SLAMF6: variants seen among roughly 807,000 people sequenced by gnomAD.
The protein encoded by SLAMF6 is NK-T-B-antigen.
A neutral mutation model predicts 38.3 loss-of-function variants in SLAMF6; 21 were observed. That is an observed-to-expected ratio of 0.55 (90% CI 0.39 to 0.79). The LOEUF is 0.79. Ranked by LOEUF, SLAMF6 falls within the 30% of genes least tolerant of loss-of-function variation. The pLI is 0.00. For missense variants in SLAMF6, 341 were observed against 385.3 expected, an observed-to-expected ratio of 0.89 and a Z score of 0.96; for synonymous variants, 152 against 146.3, an observed-to-expected ratio of 1.04 and a Z score of -0.28.
intron 1 of SLAMF6, among the ~76,000 whole-genome samples, chr1:160,512,731 A>C (rs7517377): frequency 6.6e-6 from 1 of 152,042 alleles, no homozygotes; most frequent in Non-Finnish European, 1.5e-5. Flanking sequence ...GGTGAATAGG[A>C]TCTGGAGTGG....
At chr1:160,502,069 T>TG (rs1375132298) in intron 1 of SLAMF6, among the ~76,000 whole-genome samples, 1 of 152,150 alleles carries the variant, frequency 6.6e-6, no homozygotes, top group Non-Finnish European at 1.5e-5. Context: ...CAAGGTGTTG[T>TG]GGTGTGGCCC....
chr1:160,502,334 A>C lies in SLAMF6; in HGVS notation c.50-5941T>G, dbSNP rs778349249. Among the ~76,000 whole-genome samples the C allele has an allele frequency of 2.6e-5, 4 of 152,326 alleles. No individual in the cohort carries two copies. The South Asian group carries it at 8.3e-4, about 32-fold the overall frequency. ...TGGGAAGCTTTCCTTTGAGACTCTC[A>C]TAAGTCACTGGGGAACTCCTTGCAA... On this transcript the variant is annotated intron_variant, in intron 1 of 7. Transcript: ENST00000368057.
chr1:160,498,097 G>A (rs1239528678), intron 1 of SLAMF6, among the ~76,000 whole-genome samples: 2 of 151,776 alleles, frequency 1.3e-5, no homozygotes. Context: ...CAATAACAGT[G>A]TATAACTGTT....
intron 1 of SLAMF6, among the ~76,000 whole-genome samples, chr1:160,519,528 A>T (rs932164579): frequency 3.3e-5 from 5 of 152,200 alleles, no homozygotes; most frequent in African/African-American, 1.2e-4. Flanking sequence ...CAAGAGCCAA[A>T]AGGCAAAAAC....
intron 1 of SLAMF6, among the ~76,000 whole-genome samples, chr1:160,519,135 A>G (rs1244719840): frequency 6.6e-6 from 1 of 152,192 alleles, no homozygotes; most frequent in Non-Finnish European, 1.5e-5. Context: ...TAATTCAACT[A>G]AAATGGGCAA....
At chr1:160,514,350 C>T (rs1654637486) in intron 1 of SLAMF6, among the ~76,000 whole-genome samples, 1 of 152,094 alleles carries the variant, frequency 6.6e-6, no homozygotes. Context: ...AAGCAGATTC[C>T]TAAAATAAGC....
chr1:160,487,083 A>T, intron 7 of SLAMF6, 21 bp downstream of exon 7: 1 of 1,578,426 alleles, frequency 6.3e-7, no homozygotes, highest in Non-Finnish European at 8.7e-7. Flanking sequence ...ATATAAAAAC[A>T]TGGAGCAATC....
intron 2 of SLAMF6, among the ~76,000 whole-genome samples, chr1:160,493,906 T>A (rs1171223414): frequency 2.0e-5 from 3 of 152,086 alleles, no homozygotes; most frequent in African/African-American, 7.2e-5. Context: ...TCAGCTTTCA[T>A]GAGAGCTCAC....
At chr1:160,504,751 G>T (rs1250941072) in intron 1 of SLAMF6, among the ~76,000 whole-genome samples, 2 of 152,166 alleles carry the variant, frequency 1.3e-5, no homozygotes, top group Non-Finnish European at 2.9e-5. Flanking sequence ...AAATAGATAT[G>T]TCGAATGCCT....
intron 3 of SLAMF6, among the ~76,000 whole-genome samples, 181 bp from the exon 4 acceptor site, chr1:160,490,866 G>A (rs574010273): frequency 6.6e-6 from 1 of 152,204 alleles, no homozygotes; most frequent in African/African-American, 2.4e-5. Context: ...AGTGGAGTTA[G>A]GGAGAGAAAG....
intron 2 of SLAMF6, among the ~76,000 whole-genome samples, chr1:160,494,960 A>G (rs1163191555): frequency 6.6e-6 from 1 of 152,106 alleles, no homozygotes; most frequent in African/African-American, 2.4e-5. Flanking sequence ...TTTAGTTAGA[A>G]TCGCTTGTAT....
At chr1:160,522,948 G>A (rs975665694) in intron 1 of SLAMF6, among the ~76,000 whole-genome samples, 196 bp downstream of exon 1, 2 of 152,142 alleles carry the variant, frequency 1.3e-5, no homozygotes, top group African/African-American at 2.4e-5. Flanking sequence ...ATTGTTCACC[G>A]ACAACCATCT....
chr1:160,512,886 G>T (rs1204245776), intron 1 of SLAMF6, among the ~76,000 whole-genome samples: 2 of 152,132 alleles, frequency 1.3e-5, no homozygotes, highest in Admixed American at 1.3e-4. Context: ...ATCAAAGCTA[G>T]ATAAACTCAG....
At chr1:160,499,040 T>A (rs1383164547) in intron 1 of SLAMF6, among the ~76,000 whole-genome samples, 2 of 152,248 alleles carry the variant, frequency 1.3e-5, no homozygotes, top group African/African-American at 4.8e-5. Context: ...TAGTTTCTTT[T>A]GCTGTGCAGA....
At chr1:160,498,479 C>A (rs147040617) in intron 1 of SLAMF6, among the ~76,000 whole-genome samples, 2 of 152,134 alleles carry the variant, frequency 1.3e-5, no homozygotes, top group Admixed American at 1.3e-4. Flanking sequence ...AGCAAAGTCA[C>A]GTCTTACATG....
At chr1:160,506,244 A>G (rs372494305) in intron 1 of SLAMF6, among the ~76,000 whole-genome samples, 1 of 152,310 alleles carries the variant, frequency 6.6e-6, no homozygotes, top group African/African-American at 2.4e-5. Flanking sequence ...AAATGAAAAC[A>G]AGGAGAGAGT....
At chr1:160,498,142 G>A (rs1379292206) in intron 1 of SLAMF6, among the ~76,000 whole-genome samples, 2 of 151,328 alleles carry the variant, frequency 1.3e-5, no homozygotes, top group East Asian at 1.9e-4. Context: ...GTGGGACCTA[G>A]CACCTGTTTT....
intron 1 of SLAMF6, among the ~76,000 whole-genome samples, chr1:160,501,257 G>A (rs1653875497): frequency 2.0e-5 from 3 of 152,070 alleles, no homozygotes; most frequent in Admixed American, 2.0e-4. Context: ...CAGTCCTCTG[G>A]GTCCATCATC....
intron 1 of SLAMF6, among the ~76,000 whole-genome samples, chr1:160,512,109 T>C (rs1654501241): frequency 6.6e-6 from 1 of 152,172 alleles, no homozygotes; most frequent in African/African-American, 2.4e-5. Context: ...CTAAGACTAC[T>C]GAGTTCTTGG....
Sources: allele counts gnomAD v4.1 joint callset (sites outside exome capture counted in the v4.1 genomes callset), GRCh38; gene constraint gnomAD v4.1.1; transcripts MANE v1.5; gene names NCBI Gene and HGNC (gene_info 2026-07-23, HGNC 2026-07-21).